CCND3: variants seen among roughly 807,000 people sequenced by gnomAD.
CCND3 encodes the protein G1/S-specific cyclin-D3.
CCND3 carries 9 observed loss-of-function variants against 28.7 expected under a neutral mutation model. The ratio of observed to expected loss-of-function variants is 0.31; its 90% confidence interval spans 0.19 to 0.55. The LOEUF (loss-of-function observed/expected upper bound fraction) is 0.55, where lower values mean the gene tolerates loss of function less well. Ranked by LOEUF, CCND3 falls within the 20% of genes least tolerant of loss-of-function variation. The pLI, the probability that CCND3 is intolerant of heterozygous loss-of-function variation, is 0.93. For missense variants in CCND3, 315 were observed against 385.8 expected (o/e 0.82, Z 1.54); for synonymous variants, 164 against 163.9 (o/e 1.00, Z 0.00).
Position 42,029,033 on chromosome 6 carries a change from G to A in CCND3, c.-46+19468C>T, listed in dbSNP as rs553489730. 3.8e-4 allele frequency among the ~76,000 whole-genome samples: 57 copies of A among 149,374 alleles called. No homozygotes were observed. In the South Asian group the frequency reaches 8.5e-3, roughly 22 times the overall value. On this transcript the variant is annotated intron_variant, in intron 1 of 4. Transcript: ENST00000372988. ...CTGTTGCCAAGACTGTAGGATTGCA[G>A]TGGCATGATCATAGCTCACTGCAGC...
At chr6:42,015,906 TATACA>T (rs1169499896) in intron 1 of CCND3, among the ~76,000 whole-genome samples, 3 of 151,882 alleles carry the variant, frequency 2.0e-5, no homozygotes, top group African/African-American at 7.3e-5. Flanking sequence ...AGTTTTCACG[TATACA>T]ATACGTTTTT....
At chr6:42,044,764 CTTTCT>C (rs1331681885) in intron 1 of CCND3, among the ~76,000 whole-genome samples, 1 of 126,100 alleles carries the variant, frequency 7.9e-6, no homozygotes, top group Non-Finnish European at 1.7e-5. Flanking sequence ...GCTATCTTTT[CTTTCT>C]TTTCTTTCTT....
intron 1 of CCND3, among the ~76,000 whole-genome samples, chr6:42,002,786 A>G (rs1423355161): frequency 6.6e-6 from 1 of 151,588 alleles, no homozygotes; most frequent in African/African-American, 2.4e-5. Flanking sequence ...CCCGGGAGGC[A>G]GAGCTTGCAG....
chr6:41,942,071 T>C (rs1426086219), upstream of CCND3, among the ~76,000 whole-genome samples: 1 of 152,200 alleles, frequency 6.6e-6, no homozygotes, highest in African/African-American at 2.4e-5. Flanking sequence ...TCTCGGACTC[T>C]AGTCACCCAG....
At chr6:41,979,425 T>C (rs558722862) in intron 1 of CCND3, among the ~76,000 whole-genome samples, 25 of 150,360 alleles carry the variant, frequency 1.7e-4, no homozygotes, top group Admixed American at 1.2e-3. Context: ...TCCCAGCTAC[T>C]CGGGAGGCTG....
chr6:41,940,263 C>T, intron 2 of CCND3, 107 bp downstream of exon 2: 1 of 1,000,966 alleles, frequency 1.0e-6, no homozygotes. Context: ...TCCTGATCCC[C>T]TTGCTTCCTC....
At chr6:41,972,731 G>A (rs1762068341) in intron 1 of CCND3, among the ~76,000 whole-genome samples, 1 of 151,950 alleles carries the variant, frequency 6.6e-6, no homozygotes, top group African/African-American at 2.4e-5. Context: ...AACATCAAAG[G>A]GAGACTGAGG....
intron 1 of CCND3, among the ~76,000 whole-genome samples, chr6:41,969,672 G>T (rs1761982069): frequency 6.6e-6 from 1 of 152,022 alleles, no homozygotes; most frequent in Non-Finnish European, 1.5e-5. Flanking sequence ...GGAGGTGGAG[G>T]TTGCAGTGAG....
At chr6:41,999,848 G>C (rs1219831425) in intron 1 of CCND3, among the ~76,000 whole-genome samples, 2 of 152,112 alleles carry the variant, frequency 1.3e-5, no homozygotes, top group African/African-American at 4.8e-5. Flanking sequence ...CTATGATCGT[G>C]CCACTGCACT....
intron 1 of CCND3, among the ~76,000 whole-genome samples, chr6:42,012,407 A>T (rs1763368915): frequency 6.6e-6 from 1 of 151,588 alleles, no homozygotes; most frequent in South Asian, 2.1e-4. Context: ...GGGCGAAAGA[A>T]GCTCTATCTC....
chr6:42,005,718 T>C (rs1763157279), intron 1 of CCND3, among the ~76,000 whole-genome samples: 1 of 151,714 alleles, frequency 6.6e-6, no homozygotes, highest in Admixed American at 6.6e-5. Context: ...AGAGTTTTGC[T>C]CGTTGCCCAG....
chr6:41,949,738 C>T (rs576097115), intron 1 of CCND3, among the ~76,000 whole-genome samples: 1 of 152,146 alleles, frequency 6.6e-6, no homozygotes, highest in African/African-American at 2.4e-5. Context: ...TTATAAGCTG[C>T]TTGGGAAAAG....
intron 1 of CCND3, among the ~76,000 whole-genome samples, chr6:42,028,395 A>G (rs1327497208): frequency 6.6e-6 from 1 of 152,184 alleles, no homozygotes; most frequent in Non-Finnish European, 1.5e-5. Context: ...CAGCTGTGCT[A>G]TCTATCAGCT....
At chr6:42,044,220 C>T (rs1582196929) in intron 1 of CCND3, among the ~76,000 whole-genome samples, 1 of 152,244 alleles carries the variant, frequency 6.6e-6, no homozygotes, top group South Asian at 2.1e-4. Context: ...AGAAGAGCAC[C>T]TTTTACGGGG....
intron 1 of CCND3, among the ~76,000 whole-genome samples, chr6:42,021,095 A>G (rs1321790981): frequency 1.3e-5 from 2 of 152,226 alleles, no homozygotes; most frequent in Non-Finnish European, 2.9e-5. Context: ...CGTGCAGTAC[A>G]AAAAGATATT....
chr6:42,003,525 CAAAAA>C (rs61494473), intron 1 of CCND3, among the ~76,000 whole-genome samples: 140 of 73,138 alleles, frequency 1.9e-3, no homozygotes, highest in African/African-American at 2.3e-3. Flanking sequence ...GACTCTGTCT[CAAAAA>C]AAAAAAAAAA....
intron 1 of CCND3, among the ~76,000 whole-genome samples, chr6:41,997,062 T>C (rs1465301179): frequency 6.6e-6 from 1 of 152,152 alleles, no homozygotes; most frequent in East Asian, 1.9e-4. Context: ...CCTGCCAGTA[T>C]CCCTGTCTGT....
In CCND3 at chr6:41,937,225, G is replaced by A; in HGVS notation, c.574+10C>T. 6.2e-7 allele frequency: 1 copy of A among 1,614,052 alleles called. No homozygotes were observed. Among genetic ancestry groups the A allele is most frequent in the South Asian group, 1.1e-5 (1 of 91,076 alleles). On this transcript the variant is annotated intron_variant, in intron 3 of 4. Transcript: ENST00000372991. ...TTCCAATTTGGCAAAAATGTGCATA[G>A]GGCTCTTACCTGTAGCACAGAGGGC...
chr6:41,973,865 GATAACAC>G (rs1335889715), intron 1 of CCND3, among the ~76,000 whole-genome samples: 1 of 152,146 alleles, frequency 6.6e-6, no homozygotes, highest in East Asian at 1.9e-4. Context: ...AATTAAAAGA[GATAACAC>G]ATGTAAAACC....
Sources: gnomAD v4.1 joint callset for allele counts (sites outside exome capture counted in the v4.1 genomes callset) on GRCh38, gnomAD v4.1.1 for gene constraint, MANE v1.5 for transcripts, NCBI Gene and HGNC (gene_info 2026-07-23, HGNC 2026-07-21) for gene names.